CYBRD1: variants seen among roughly 807,000 people sequenced by gnomAD.
CYBRD1 encodes cytochrome b reductase 1.
CYBRD1 carries 14 observed loss-of-function variants against 21.9 expected under a neutral mutation model. That is an observed-to-expected ratio of 0.64 (90% confidence interval 0.42 to 1.00). The LOEUF is 1.00. Among genes scored for constraint, CYBRD1 ranks in the 50% least tolerant of loss-of-function variants. The pLI is 0.00. For missense variants in CYBRD1, 328 were observed against 352.5 expected, an observed-to-expected ratio of 0.93 and a Z score of 0.56; for synonymous variants, 146 against 136.5, an observed-to-expected ratio of 1.07 and a Z score of -0.48.
upstream of CYBRD1, chr2:171,522,375 AC>A: frequency 1.3e-6 from 2 of 1,496,604 alleles, no homozygotes. The surrounding 1 kb of genome is among the most constrained non-coding windows in gnomAD (Gnocchi z 4.3). Flanking sequence ...CCAGCTCCCC[AC>A]CCCCAAGAGG....
intron 2 of CYBRD1, among the ~76,000 whole-genome samples, chr2:171,546,006 C>T (rs886922691): frequency 2.0e-5 from 3 of 152,054 alleles, no homozygotes; most frequent in African/African-American, 7.2e-5. Flanking sequence ...TCTCAAAATT[C>T]TCTTTTGCTG....
In CYBRD1 at chr2:171,557,952, G is replaced by C. The variant is rs528; in HGVS notation, c.*3125G>C. On this transcript the variant is annotated 3_prime_UTR_variant, in exon 4 of 4. Coordinates refer to ENST00000321348, the MANE Select transcript of CYBRD1 (RefSeq NM_024843.4). ...AAAATGTAGAAGAAAGAACATTATT[G>C]TTCTTTAATTCCTACAAGGTACTCG... The C allele has an allele frequency of 1.3e-5, 2 of 151,868 alleles. No individual in the cohort carries two copies. The highest frequency in any genetic ancestry group is 2.4e-5 in the African/African-American group (1 of 41,374). 9.4% of individuals were successfully genotyped at this position (151,868 alleles called of 1,614,324 possible).
At chr2:171,548,864 G>A (rs1697760222) in intron 2 of CYBRD1, among the ~76,000 whole-genome samples, 1 of 152,072 alleles carries the variant, frequency 6.6e-6, no homozygotes, top group South Asian at 2.1e-4. Flanking sequence ...CAACAATTTG[G>A]GAGGCCAAGG....
At position 171,557,232 on chromosome 2, in the gene CYBRD1, A is replaced by G. The variant is rs1202207960; in HGVS notation, c.*2405A>G. 2.0e-5 allele frequency: 3 copies of G among 152,236 alleles called. No individual in the cohort carries two copies. The highest frequency in any genetic ancestry group is 6.5e-5 in the Admixed American group (1 of 15,276). The allele number at this position is 152,236 out of a possible 1,614,324, so 9.4% of individuals were successfully genotyped here. On this transcript the variant is annotated 3_prime_UTR_variant, in exon 4 of 4. Coordinates refer to ENST00000321348, the MANE Select transcript of CYBRD1 (RefSeq NM_024843.4). Reference sequence around the variant, plus strand: ...GTACCTTTATCTTTCAAAAGCTGATATTTCCTACCTAAGCATCTCCCGAGA... The same window carrying G: ...GTACCTTTATCTTTCAAAAGCTGATGTTTCCTACCTAAGCATCTCCCGAGA...
intron 2 of CYBRD1, among the ~76,000 whole-genome samples, chr2:171,549,071 C>T (rs35421358): frequency 0.025 from 3,736 of 151,184 alleles, 131 homozygotes; most frequent in African/African-American, 0.085. Context: ...AAACTTTATT[C>T]TATTCTATTC....
chr2:171,542,234 G>C (rs561858147), intron 2 of CYBRD1, among the ~76,000 whole-genome samples: 1 of 152,078 alleles, frequency 6.6e-6, no homozygotes, highest in Non-Finnish European at 1.5e-5. Context: ...GAGAGCACCA[G>C]AATTGCAGAA....
At chr2:171,527,939 T>C (rs1487247651) in intron 1 of CYBRD1, among the ~76,000 whole-genome samples, 1 of 152,162 alleles carries the variant, frequency 6.6e-6, no homozygotes, top group Non-Finnish European at 1.5e-5. Flanking sequence ...GGTTTTCATC[T>C]CCTGCTCCAC....
At chr2:171,548,608 C>T (rs901697936) in intron 2 of CYBRD1, among the ~76,000 whole-genome samples, 3 of 129,282 alleles carry the variant, frequency 2.3e-5, no homozygotes, top group Admixed American at 1.7e-4. Context: ...TAATAATCTA[C>T]AGTTTACTTG....
intron 1 of CYBRD1, among the ~76,000 whole-genome samples, chr2:171,538,376 C>T (rs185676754): frequency 6.6e-6 from 1 of 152,268 alleles, no homozygotes; most frequent in Non-Finnish European, 1.5e-5. Flanking sequence ...GACACATTAA[C>T]GCCCTCAGAG....
intron 2 of CYBRD1, among the ~76,000 whole-genome samples, chr2:171,543,354 G>C (rs2105340694): frequency 6.6e-6 from 1 of 152,300 alleles, no homozygotes; most frequent in East Asian, 1.9e-4. Context: ...GCCATCAGCT[G>C]GGGCTGCCCT....
chr2:171,543,620 G>A (rs1440882107), intron 2 of CYBRD1, among the ~76,000 whole-genome samples: 1 of 151,986 alleles, frequency 6.6e-6, no homozygotes, highest in African/African-American at 2.4e-5. Context: ...GATTAAACAA[G>A]ATGTTTAATT....
chr2:171,532,877 G>A (rs1574434651), intron 1 of CYBRD1, among the ~76,000 whole-genome samples: 2 of 45,184 alleles, frequency 4.4e-5, no homozygotes, highest in Admixed American at 1.5e-4. Flanking sequence ...ATTTCACGAT[G>A]TGTGTGTGTG....
chr2:171,527,430 A>T (rs1191570135), intron 1 of CYBRD1, among the ~76,000 whole-genome samples: 1 of 152,236 alleles, frequency 6.6e-6, no homozygotes, highest in African/African-American at 2.4e-5. Flanking sequence ...CTGTACCATC[A>T]TTGAATTGTT....
intron 1 of CYBRD1, among the ~76,000 whole-genome samples, chr2:171,524,879 T>A (rs1426894692): frequency 2.6e-5 from 4 of 152,242 alleles, no homozygotes; most frequent in Non-Finnish European, 5.9e-5. Context: ...ACTTAACTCT[T>A]GGACAAAAAT....
intron 2 of CYBRD1, among the ~76,000 whole-genome samples, chr2:171,549,914 T>G (rs1190728798): frequency 6.6e-6 from 1 of 152,140 alleles, no homozygotes; most frequent in African/African-American, 2.4e-5. Flanking sequence ...CCTTCTCTTT[T>G]GAGGGTTTTC....
chr2:171,546,418 C>A (rs542232068), intron 2 of CYBRD1, among the ~76,000 whole-genome samples: 2 of 152,264 alleles, frequency 1.3e-5, no homozygotes, highest in East Asian at 3.9e-4. Context: ...CTGTGGTATG[C>A]CCCTTTATGA....
rs78424806 is a variant in CYBRD1, at chr2:171,539,514, G to T, written c.194-2071G>T. Among the ~76,000 whole-genome samples, 1,358 of 152,184 alleles carry T rather than the reference G, an allele frequency of 8.9e-3. 21 individuals are homozygous for T. The highest frequency in any genetic ancestry group is 0.027 in the African/African-American group (1,139 of 41,524). ...TACGTGATACCCTGCTGATATAGTG[G>T]AATCCATCGTCTGAGGAAGTATTCT... On this transcript the variant is annotated intron_variant, in intron 1 of 3. Coordinates refer to ENST00000321348, the MANE Select transcript of CYBRD1 (RefSeq NM_024843.4).
intron 1 of CYBRD1, among the ~76,000 whole-genome samples, chr2:171,536,372 T>C (rs923924763): frequency 6.6e-6 from 1 of 152,120 alleles, no homozygotes; most frequent in Non-Finnish European, 1.5e-5. Context: ...TGGTATTATC[T>C]CTGCTCGCTG....
chr2:171,553,610 T>TA (rs1208366525), intron 3 of CYBRD1, 110 bp downstream of exon 3: 9 of 976,588 alleles, frequency 9.2e-6, no homozygotes, highest in African/African-American at 1.7e-5. Flanking sequence ...ATATTAAAAT[T>TA]AAAAAATATT....
Sources: gnomAD v4.1 joint callset for allele counts (sites outside exome capture counted in the v4.1 genomes callset) on GRCh38, gnomAD v4.1.1 for gene constraint, Gnocchi (gnomAD v3.1) non-coding constraint, MANE v1.5 for transcripts, NCBI Gene and HGNC (gene_info 2026-07-23, HGNC 2026-07-21) for gene names.